The following KIAA1217 variants were observed in gnomAD, a reference collection of about 807,000 sequenced individuals.
KIAA1217 encodes the protein KIAA1217, also known as sickle tail protein homolog.
A neutral mutation model predicts 163.9 loss-of-function variants in KIAA1217; 88 were observed. That is an observed-to-expected ratio of 0.54 (90% CI 0.45 to 0.64). The LOEUF is 0.64. KIAA1217 is among the 30% of genes least tolerant of loss of function. KIAA1217 has a pLI of 0.00. For missense variants in KIAA1217, 2,372 were observed against 2,475.0 expected, an observed-to-expected ratio of 0.96 and a Z score of 0.88; for synonymous variants, 903 against 923.1, an observed-to-expected ratio of 0.98 and a Z score of 0.39.
At chr10:24,343,400 G>C (rs1037958496) in intron 2 of KIAA1217, among the ~76,000 whole-genome samples, 3 of 152,106 alleles carry the variant, frequency 2.0e-5, no homozygotes, top group African/African-American at 7.2e-5. Context: ...ATATTAGTTA[G>C]TCAATTTTGT....
intron 1 of KIAA1217, among the ~76,000 whole-genome samples, chr10:23,762,947 A>G (rs1192968182): frequency 6.6e-6 from 1 of 152,230 alleles, no homozygotes. Context: ...ATGTGCAAAC[A>G]TCACAAGCAT....
intron 1 of KIAA1217, among the ~76,000 whole-genome samples, chr10:23,864,823 G>C (rs532330816): frequency 2.7e-4 from 41 of 152,220 alleles, no homozygotes; most frequent in African/African-American, 9.9e-4. Flanking sequence ...AGAGTAGGCT[G>C]GCAGGCTGGA....
chr10:23,879,941 A>G (rs1019296976), intron 1 of KIAA1217, among the ~76,000 whole-genome samples: 1 of 151,880 alleles, frequency 6.6e-6, no homozygotes, highest in African/African-American at 2.4e-5. Flanking sequence ...GTTGCTCCAC[A>G]TAACAGGAAG....
At chr10:24,429,438 C>G (rs941996023) in intron 3 of KIAA1217, among the ~76,000 whole-genome samples, 1 of 152,172 alleles carries the variant, frequency 6.6e-6, no homozygotes, top group Admixed American at 6.5e-5. Flanking sequence ...ATCTCCATTA[C>G]TGGGGATCTG....
At chr10:24,466,187 A>G (rs2062930023) in intron 5 of KIAA1217, among the ~76,000 whole-genome samples, 1 of 151,832 alleles carries the variant, frequency 6.6e-6, no homozygotes, top group Non-Finnish European at 1.5e-5. Flanking sequence ...AGGTTTTTGC[A>G]GTAGCACCTT....
chr10:24,489,552 T>A (rs1231864271), intron 6 of KIAA1217, among the ~76,000 whole-genome samples: 1 of 150,906 alleles, frequency 6.6e-6, no homozygotes, highest in Non-Finnish European at 1.5e-5. Flanking sequence ...AAAAAAAAAA[T>A]CAAGGTGAAA....
intron 1 of KIAA1217, among the ~76,000 whole-genome samples, chr10:23,792,683 T>A (rs78036025): frequency 1.3e-5 from 2 of 150,102 alleles, no homozygotes; most frequent in South Asian, 2.1e-4. Flanking sequence ...TTTTTTTTTT[T>A]AATAGAGACA....
At chr10:24,294,671 C>G (rs1007656060) in intron 2 of KIAA1217, among the ~76,000 whole-genome samples, 12 of 152,302 alleles carry the variant, frequency 7.9e-5, no homozygotes, top group Non-Finnish European at 1.5e-4. Context: ...AAGCTTTTTC[C>G]TTAGAAAAGT....
At chr10:24,398,510 C>G (rs894284295) in intron 3 of KIAA1217, among the ~76,000 whole-genome samples, 2 of 152,052 alleles carry the variant, frequency 1.3e-5, no homozygotes, top group African/African-American at 4.8e-5. Context: ...AAAAAGAAAC[C>G]AAGGCAAGTT....
intron 1 of KIAA1217, among the ~76,000 whole-genome samples, chr10:24,216,924 C>T (rs1220163013): frequency 2.8e-5 from 4 of 145,008 alleles, no homozygotes; most frequent in African/African-American, 5.1e-5. Context: ...CCCAGCTAGT[C>T]AGGAGGCTGA....
At chr10:24,434,880 C>T (rs2059900390) in intron 4 of KIAA1217, among the ~76,000 whole-genome samples, 1 of 152,204 alleles carries the variant, frequency 6.6e-6, no homozygotes, top group Non-Finnish European at 1.5e-5. Flanking sequence ...ACACAGCCAG[C>T]TAAGTACCAA....
At chr10:23,910,243 C>A (rs1266806400) in intron 1 of KIAA1217, among the ~76,000 whole-genome samples, 3 of 151,400 alleles carry the variant, frequency 2.0e-5, no homozygotes, top group East Asian at 1.9e-4. Context: ...CACGTGTATA[C>A]CTATGTAAAA....
chr10:23,792,885 C>T (rs185595076), intron 1 of KIAA1217, among the ~76,000 whole-genome samples: 196 of 152,226 alleles, frequency 1.3e-3, no homozygotes, highest in Non-Finnish European at 2.0e-3. Flanking sequence ...TATAGAACTG[C>T]ATTTCTCTGA....
In KIAA1217 at chr10:24,298,894, G is replaced by A. The variant is rs535743300; in HGVS notation, c.354+78985G>A. ...ACAATCTTGGAGGGAATTCATGTAT[G>A]GGGCAACTTGTCAGAATGAACAGAG... On this transcript the variant is annotated intron_variant, in intron 2 of 20. Coordinates refer to ENST00000376454, the MANE Select transcript of KIAA1217 (RefSeq NM_019590.5). 1.2e-4 allele frequency among the ~76,000 whole-genome samples: 19 copies of A among 152,256 alleles called. No individual in the cohort carries two copies. The East Asian group carries it at 3.7e-3, about 29-fold the overall frequency.
chr10:24,495,263 A>G, intron 8 of KIAA1217, 67 bp downstream of exon 8: 1 of 1,307,964 alleles, frequency 7.6e-7, no homozygotes, highest in South Asian at 1.3e-5. Flanking sequence ...GGCTGGTCTC[A>G]GAAATGTTTA....
At chr10:24,164,331 A>G (rs1422680791) in intron 2 of KIAA1217, among the ~76,000 whole-genome samples, 1 of 152,214 alleles carries the variant, frequency 6.6e-6, no homozygotes, top group Non-Finnish European at 1.5e-5. Flanking sequence ...TCTAGCCACT[A>G]ATCTTAAGTG....
intron 1 of KIAA1217, among the ~76,000 whole-genome samples, chr10:23,792,930 T>G (rs1040794892): frequency 1.3e-5 from 2 of 152,210 alleles, no homozygotes; most frequent in African/African-American, 4.8e-5. Context: ...GCCAGTGTTA[T>G]GTTTAAATGG....
chr10:24,087,801 C>G (rs1481952294), intron 2 of KIAA1217, among the ~76,000 whole-genome samples: 1 of 152,210 alleles, frequency 6.6e-6, no homozygotes, highest in African/African-American at 2.4e-5. Context: ...AGCACTCTTT[C>G]CACACTTATG....
At position 24,069,501 on chromosome 10, in the gene KIAA1217, G is replaced by A. The variant is rs540790572; in HGVS notation, c.-171+62127G>A. 3.9e-5 allele frequency among the ~76,000 whole-genome samples: 6 copies of A among 152,312 alleles called. No homozygotes were observed. In the East Asian group the frequency reaches 1.2e-3, roughly 29 times the overall value. On this transcript the variant is annotated intron_variant, in intron 2 of 18. Transcript: ENST00000376462. The stretch of plus-strand genomic sequence containing the variant: ...TTTCCTTTGGGCAGCACCCAGAAAA[G>A]TTGAAATATTGGATGTGTGGTTCAA...
Sources: gnomAD v4.1 joint callset for allele counts (sites outside exome capture counted in the v4.1 genomes callset) on GRCh38, gnomAD v4.1.1 for gene constraint, MANE v1.5 for transcripts, NCBI Gene and HGNC (gene_info 2026-07-23, HGNC 2026-07-21) for gene names.